Variants in PCCA observed in about 807,000 individuals in gnomAD.
PCCA encodes the protein propionyl-CoA carboxylase alpha chain, mitochondrial.
A neutral mutation model predicts 101.3 loss-of-function variants in PCCA; 74 were observed. The observed-to-expected ratio is 0.73, with a 90% CI of 0.61 to 0.89. The LOEUF is 0.89. Among genes scored for constraint, PCCA ranks in the 40% least tolerant of loss-of-function variants. PCCA has a pLI of 0.00. For missense variants in PCCA, 891 were observed against 907.0 expected (o/e 0.98, Z 0.23); for synonymous variants, 294 against 313.6 (o/e 0.94, Z 0.66).
At chr13:100,138,284 T>C (rs560599389) in intron 4 of PCCA, among the ~76,000 whole-genome samples, 1 of 152,338 alleles carries the variant, frequency 6.6e-6, no homozygotes, top group South Asian at 2.1e-4. Context: ...ATTAATACTT[T>C]ATTGATTATA....
chr13:100,092,381 T>C (rs905784348), intron 1 of PCCA, among the ~76,000 whole-genome samples: 2 of 150,666 alleles, frequency 1.3e-5, no homozygotes, highest in Non-Finnish European at 3.0e-5. Flanking sequence ...CTTTCTTTTC[T>C]TTCTTCCTTT....
At chr13:100,353,642 C>T (rs1307396102) in intron 18 of PCCA, among the ~76,000 whole-genome samples, 2 of 152,010 alleles carry the variant, frequency 1.3e-5, no homozygotes, top group Non-Finnish European at 2.9e-5. Context: ...GAAATGAGAG[C>T]TGTAAGCACA....
intron 4 of PCCA, among the ~76,000 whole-genome samples, chr13:100,151,914 C>T (rs1306648118): frequency 6.6e-6 from 1 of 152,122 alleles, no homozygotes; most frequent in East Asian, 1.9e-4. Context: ...AATATATCTA[C>T]TCAGCCTATG....
At chr13:100,355,823 A>T (rs760923481) in intron 18 of PCCA, among the ~76,000 whole-genome samples, 1 of 152,160 alleles carries the variant, frequency 6.6e-6, no homozygotes, top group Non-Finnish European at 1.5e-5. Flanking sequence ...TTTGCATTGT[A>T]AAAGAGGAAT....
At chr13:100,438,261 C>T (rs371150959) in intron 20 of PCCA, among the ~76,000 whole-genome samples, 5 of 151,928 alleles carry the variant, frequency 3.3e-5, no homozygotes, top group Non-Finnish European at 7.4e-5. Context: ...CTCAACTGAT[C>T]CTCCTGCCTC....
intron 17 of PCCA, among the ~76,000 whole-genome samples, chr13:100,338,297 ATATT>A (rs1450520818): frequency 6.6e-6 from 1 of 152,228 alleles, no homozygotes; most frequent in Non-Finnish European, 1.5e-5. Context: ...GAACTTGAAA[ATATT>A]TATTCATTCA....
At chr13:100,449,781 C>T (rs982658198) in intron 21 of PCCA, among the ~76,000 whole-genome samples, 2 of 152,152 alleles carry the variant, frequency 1.3e-5, no homozygotes, top group Admixed American at 6.5e-5. Flanking sequence ...GAGCCATGTC[C>T]GGCCTGGAAT....
At chr13:100,207,922 G>A (rs1365567649) in intron 6 of PCCA, among the ~76,000 whole-genome samples, 2 of 151,966 alleles carry the variant, frequency 1.3e-5, no homozygotes, top group East Asian at 3.9e-4. Context: ...GGAGGCTGAG[G>A]CAGGAGAATC....
intron 18 of PCCA, among the ~76,000 whole-genome samples, chr13:100,356,746 A>G (rs1024866745): frequency 1.3e-5 from 2 of 152,210 alleles, no homozygotes; most frequent in African/African-American, 2.4e-5. Flanking sequence ...CCATGTGTGC[A>G]CAGAAATGTT....
chr13:100,094,669 C>T (rs2046605436), intron 1 of PCCA, among the ~76,000 whole-genome samples: 1 of 152,176 alleles, frequency 6.6e-6, no homozygotes, highest in Admixed American at 6.5e-5. Flanking sequence ...CTCACGGCAA[C>T]CTCCGCCTCC....
At chr13:100,140,033 T>C (rs766797642) in intron 4 of PCCA, among the ~76,000 whole-genome samples, 3 of 152,164 alleles carry the variant, frequency 2.0e-5, no homozygotes, top group Non-Finnish European at 4.4e-5. Context: ...TTCTTTGGTA[T>C]ACTTATTAGA....
intron 16 of PCCA, among the ~76,000 whole-genome samples, chr13:100,321,818 T>G (rs1279833284): frequency 6.6e-6 from 1 of 152,096 alleles, no homozygotes; most frequent in Admixed American, 6.6e-5. Context: ...CTTTATAAAA[T>G]TTAGATACAT....
intron 6 of PCCA, among the ~76,000 whole-genome samples, chr13:100,194,333 G>C (rs2057951722): frequency 6.6e-6 from 1 of 152,234 alleles, no homozygotes; most frequent in Admixed American, 6.5e-5. Flanking sequence ...AATTTTGAAA[G>C]AAATTGTAAA....
chr13:100,157,407 G>A, intron 6 of PCCA, 67 bp downstream of exon 6: 1 of 1,011,010 alleles, frequency 9.9e-7, no homozygotes, highest in Non-Finnish European at 1.6e-6. Context: ...GCATGGCTTT[G>A]TAAATGTGGG....
chr13:100,488,585 CA>C (rs2084595424), intron 21 of PCCA, among the ~76,000 whole-genome samples: 1 of 150,498 alleles, frequency 6.6e-6, no homozygotes, highest in African/African-American at 2.4e-5. Flanking sequence ...CCAGCCTGGG[CA>C]ACAACATAGT....
At chr13:100,291,895 C>T (rs892585953) in intron 12 of PCCA, among the ~76,000 whole-genome samples, 6 of 152,220 alleles carry the variant, frequency 3.9e-5, no homozygotes, top group African/African-American at 1.4e-4. Flanking sequence ...ACATTCTTCC[C>T]TAGAGTTCTC....
chr13:100,390,002 A>G (rs1355845207), intron 19 of PCCA, among the ~76,000 whole-genome samples: 2 of 152,238 alleles, frequency 1.3e-5, no homozygotes, highest in Non-Finnish European at 2.9e-5. Context: ...GGCCTGCTAG[A>G]AGCAGTCATG....
intron 19 of PCCA, among the ~76,000 whole-genome samples, chr13:100,400,627 G>GT (rs763331038): frequency 1.2e-5 from 1 of 80,246 alleles, no homozygotes; most frequent in African/African-American, 6.5e-5. Flanking sequence ...GTTCTTTTTA[G>GT]TTCTTTTTTT....
rs555657512 is a variant in PCCA, at chr13:100,185,359, TTTTC to T, written c.469-23965_469-23962del. Reference sequence around the variant, plus strand: ...TTTCTTTCTTTCTAATATTTTCTTTTTTTCTTTCTTTTGACAGTTTTGCTCTGTC... The same window carrying T: ...TTTCTTTCTTTCTAATATTTTCTTTTTTTCTTTTGACAGTTTTGCTCTGTC... On this transcript the variant is annotated intron_variant, in intron 6 of 23. Coordinates refer to ENST00000376285, the MANE Select transcript of PCCA (RefSeq NM_000282.4). Among the ~76,000 whole-genome samples, 1,126 of 152,300 alleles carry T rather than the reference TTTTC, an allele frequency of 7.4e-3. 14 individuals are homozygous for T. The highest frequency in any genetic ancestry group is 0.026 in the African/African-American group (1,076 of 41,574).
Sources: allele counts gnomAD v4.1 joint callset (sites outside exome capture counted in the v4.1 genomes callset), GRCh38; gene constraint gnomAD v4.1.1; transcripts MANE v1.5; gene names NCBI Gene and HGNC (gene_info 2026-07-23, HGNC 2026-07-21).